Variants in LHFPL3 observed in about 807,000 individuals in gnomAD.
The protein encoded by LHFPL3 is LHFPL tetraspan subfamily member 3 protein.
Under a neutral mutation model 19.3 loss-of-function variants are expected in LHFPL3, and 5 were observed. That is an observed-to-expected ratio of 0.26 (90% confidence interval 0.14 to 0.54). LHFPL3 has a LOEUF of 0.54. LHFPL3 is among the 20% of genes least tolerant of loss of function. The pLI, the probability that LHFPL3 is intolerant of heterozygous loss-of-function variation, is 0.94. For missense variants in LHFPL3, 249 were observed against 307.4 expected, an observed-to-expected ratio of 0.81 and a Z score of 1.42; for synonymous variants, 133 against 126.2, an observed-to-expected ratio of 1.05 and a Z score of -0.36.
At chr7:104,646,524 A>G (rs1397950324) in intron 1 of LHFPL3, among the ~76,000 whole-genome samples, 2 of 152,244 alleles carry the variant, frequency 1.3e-5, no homozygotes, top group African/African-American at 4.8e-5. Flanking sequence ...TGGCTGCATT[A>G]TCTGGTTTCT....
intron 1 of LHFPL3, among the ~76,000 whole-genome samples, chr7:104,469,006 A>AGAGAGCTTT (rs1792851781): frequency 6.6e-6 from 1 of 152,178 alleles, no homozygotes; most frequent in Admixed American, 6.5e-5. Context: ...TTTATGGGGA[A>AGAGAGCTTT]GAGAGCTTTG....
chr7:104,443,614 T>C lies in LHFPL3; in HGVS notation c.445+114390T>C, dbSNP rs146407036. On this transcript the variant is annotated intron_variant, in intron 1 of 2. Transcript: ENST00000424859. The stretch of plus-strand genomic sequence containing the variant: ...GGCTTCTGTGTAACCAACAAGGACA[T>C]GTAGCTGTAAAAAATTCCATAATCC... 2.8e-3 allele frequency among the ~76,000 whole-genome samples: 422 copies of C among 152,320 alleles called. 2 individuals carry two copies. The highest frequency in any genetic ancestry group is 0.01 in the Middle Eastern group (3 of 294).
intron 1 of LHFPL3, among the ~76,000 whole-genome samples, chr7:104,429,496 A>G (rs1339734980): frequency 6.9e-6 from 1 of 144,318 alleles, no homozygotes. Flanking sequence ...TTTTTTTTTT[A>G]GTAGAGATGG....
chr7:104,709,799 CG>C (rs1793263900), intron 1 of LHFPL3, among the ~76,000 whole-genome samples: 1 of 146,576 alleles, frequency 6.8e-6, no homozygotes, highest in African/African-American at 2.5e-5. Context: ...ACTTCCTAGA[CG>C]GGATGGCGGC....
At chr7:104,353,370 G>A (rs1206705992) in intron 1 of LHFPL3, among the ~76,000 whole-genome samples, 1 of 152,080 alleles carries the variant, frequency 6.6e-6, no homozygotes, top group East Asian at 1.9e-4. Context: ...GGTATCCAAG[G>A]GACCACAGTT....
At chr7:104,651,543 G>A (rs1792034130) in intron 1 of LHFPL3, among the ~76,000 whole-genome samples, 1 of 152,236 alleles carries the variant, frequency 6.6e-6, no homozygotes, top group East Asian at 1.9e-4. Context: ...AGGAAAGGGA[G>A]GCAGGGTGCC....
intron 2 of LHFPL3, among the ~76,000 whole-genome samples, chr7:104,846,451 C>A (rs1327126682): frequency 6.6e-6 from 1 of 152,146 alleles, no homozygotes; most frequent in Non-Finnish European, 1.5e-5. Flanking sequence ...GCACTGCCCA[C>A]ACCCCTGCAG....
chr7:104,393,192 T>C (rs1791112559), intron 1 of LHFPL3, among the ~76,000 whole-genome samples: 1 of 152,036 alleles, frequency 6.6e-6, no homozygotes, highest in Admixed American at 6.6e-5. Flanking sequence ...TGCAGAGAAA[T>C]TGGAAACCTC....
intron 2 of LHFPL3, among the ~76,000 whole-genome samples, chr7:104,862,288 G>A (rs1741367764): frequency 6.6e-6 from 1 of 152,104 alleles, no homozygotes; most frequent in South Asian, 2.1e-4. Flanking sequence ...GAATTGTAAT[G>A]CAGATGAAAT....
At chr7:104,633,442 C>G (rs936795383) in intron 1 of LHFPL3, among the ~76,000 whole-genome samples, 18 of 152,168 alleles carry the variant, frequency 1.2e-4, no homozygotes, top group African/African-American at 4.3e-4. Context: ...ACAAGTCTAC[C>G]TGGGGCCTTC....
In LHFPL3 at chr7:104,771,335, T is replaced by C. The variant is rs140730061; in HGVS notation, c.682+34424T>C. Among the ~76,000 whole-genome samples, 61 of 152,310 alleles carry C rather than the reference T, an allele frequency of 4.0e-4. No homozygotes were observed. The East Asian group carries it at 9.8e-3, about 25-fold the overall frequency. On this transcript the variant is annotated intron_variant, in intron 2 of 2. Coordinates refer to ENST00000424859, the MANE Select transcript of LHFPL3 (RefSeq NM_199000.3). ...GTTTCATTCAGCCCCATGAGTTGAA[T>C]AGGGCAGGAATTACCTCCATTTTGT...
chr7:104,668,991 G>T (rs1231839597), intron 1 of LHFPL3: 1 of 1,612,084 alleles, frequency 6.2e-7, no homozygotes, highest in African/African-American at 1.3e-5. Flanking sequence ...AACGGGAACG[G>T]TCGAGGACAG....
intron 1 of LHFPL3, among the ~76,000 whole-genome samples, chr7:104,386,146 C>G (rs1254282382): frequency 6.6e-6 from 1 of 152,054 alleles, no homozygotes. Context: ...TAATTGTAAA[C>G]CAAACAAACA....
chr7:104,523,681 T>A (rs1470797826), intron 1 of LHFPL3, among the ~76,000 whole-genome samples: 2 of 152,216 alleles, frequency 1.3e-5, no homozygotes, highest in African/African-American at 4.8e-5. Context: ...ACTAGCCATG[T>A]TGAGGTACCC....
chr7:104,624,500 G>C (rs1002265622), intron 1 of LHFPL3, among the ~76,000 whole-genome samples: 9 of 152,176 alleles, frequency 5.9e-5, no homozygotes, highest in Non-Finnish European at 1.2e-4. Context: ...AGGTGCTTCA[G>C]CTATAACCAT....
At chr7:104,577,464 A>C (rs1440376308) in intron 1 of LHFPL3, among the ~76,000 whole-genome samples, 1 of 152,216 alleles carries the variant, frequency 6.6e-6, no homozygotes, top group Non-Finnish European at 1.5e-5. Context: ...ATATATACAC[A>C]CACACGTATA....
chr7:104,815,883 CAAG>C (rs1237110598), intron 2 of LHFPL3, among the ~76,000 whole-genome samples: 2 of 152,174 alleles, frequency 1.3e-5, no homozygotes. Flanking sequence ...TAGGAATTCT[CAAG>C]GTCCCTCCCC....
chr7:104,622,341 G>A (rs1791461444), intron 1 of LHFPL3, among the ~76,000 whole-genome samples: 1 of 152,120 alleles, frequency 6.6e-6, no homozygotes, highest in South Asian at 2.1e-4. Flanking sequence ...TTGAATCCCT[G>A]GGCTCAAGCA....
In LHFPL3 at chr7:104,494,227, T is replaced by C. The variant is rs1793413246; in HGVS notation, c.445+165003T>C. Among the ~76,000 whole-genome samples, 6 of 152,226 alleles carry C rather than the reference T, an allele frequency of 3.9e-5. No homozygotes were observed. In the South Asian group the frequency reaches 1.2e-3, roughly 31 times the overall value. ...ACATATATTATTTTACAAAATAATA[T>C]GTGTAATATCTGCGTACTTCAGTAT... On this transcript the variant is annotated intron_variant, in intron 1 of 2. Transcript: ENST00000424859.
Sources: allele counts gnomAD v4.1 joint callset (sites outside exome capture counted in the v4.1 genomes callset), GRCh38; gene constraint gnomAD v4.1.1; transcripts MANE v1.5; gene names NCBI Gene and HGNC (gene_info 2026-07-23, HGNC 2026-07-21).